KCNQ1: variants seen among roughly 807,000 people sequenced by gnomAD.
KCNQ1 encodes potassium voltage-gated channel subfamily Q member 1.
KCNQ1 carries 49 observed loss-of-function variants against 72.4 expected under a neutral mutation model. The observed-to-expected ratio is 0.68, with a 90% CI of 0.54 to 0.86. The LOEUF (loss-of-function observed/expected upper bound fraction) is 0.86, where lower values mean the gene tolerates loss of function less well. Ranked by LOEUF, KCNQ1 falls within the 40% of genes least tolerant of loss-of-function variation. KCNQ1 has a pLI of 0.00. For synonymous variants in KCNQ1, 450 were observed against 412.6 expected, an observed-to-expected ratio of 1.09 and a Z score of -1.10; for missense variants, 790 against 945.1, an observed-to-expected ratio of 0.84 and a Z score of 2.15.
Position 2,813,027 on chromosome 11 carries a change from G to A in KCNQ1, c.1795-34740G>A, listed in dbSNP as rs1439727935. 1.3e-5 allele frequency among the ~76,000 whole-genome samples: 2 copies of A among 152,258 alleles called. No homozygotes were observed. The highest frequency in any genetic ancestry group is 2.9e-5 in the Non-Finnish European group (2 of 68,042). The stretch of plus-strand genomic sequence containing the variant: ...CAGCCTGTGCCTGTGCCTGGAGGCT[G>A]TGGCCTGGCTCTCCAGCTGGAACAG... On this transcript the variant is annotated intron_variant, in intron 15 of 15. Coordinates refer to ENST00000155840, the MANE Select transcript of KCNQ1 (RefSeq NM_000218.3). The surrounding 1 kb of genome is among the most constrained non-coding windows in gnomAD (Gnocchi z 4.4).
chr11:2,767,186 A>G lies in KCNQ1; in HGVS notation c.1515-1658A>G, dbSNP rs61624402. Among the ~76,000 whole-genome samples, 29,824 of 147,290 alleles carry G rather than the reference A, an allele frequency of 0.2. 3,160 individuals carry two copies. The highest frequency in any genetic ancestry group is 0.28 in the African/African-American group (11,321 of 40,162). On this transcript the variant is annotated intron_variant, in intron 11 of 15. Coordinates refer to ENST00000155840, the MANE Select transcript of KCNQ1 (RefSeq NM_000218.3). This position sits in a 1 kb window ranked among gnomAD's most constrained non-coding sequence, Gnocchi z 4.6. ...CATCTATATGTGTGTGTGTGTGTGT[A>G]TTTTTTTTTTTCTTTGCTTAGCTAG...
chr11:2,817,599 G>A lies in KCNQ1; in HGVS notation c.1795-30168G>A, dbSNP rs979113067. Reference sequence around the variant, plus strand: ...TGATGTCCCTGGCCAGGGAGGTGGAGGACGCTGGGCAGAGCCCTGGGCATT... The same window carrying A: ...TGATGTCCCTGGCCAGGGAGGTGGAAGACGCTGGGCAGAGCCCTGGGCATT... On this transcript the variant is annotated intron_variant, in intron 15 of 15. Coordinates refer to ENST00000155840, the MANE Select transcript of KCNQ1 (RefSeq NM_000218.3). The surrounding 1 kb of genome is among the most constrained non-coding windows in gnomAD (Gnocchi z 6.1). Among the ~76,000 whole-genome samples, 2 of 152,168 alleles carry A rather than the reference G, an allele frequency of 1.3e-5. No individual in the cohort carries two copies. The highest frequency in any genetic ancestry group is 4.8e-5 in the African/African-American group (2 of 41,428).
chr11:2,669,106 T>C lies in KCNQ1; in HGVS notation c.1514+7025T>C. 2.5e-6 allele frequency: 1 copy of C among 398,752 alleles called. No individual in the cohort carries two copies. Among genetic ancestry groups the C allele is most frequent in the South Asian group, 1.3e-4 (1 of 7,864 alleles). 24.7% of individuals were successfully genotyped at this position (398,752 alleles called of 1,614,324 possible). A position where few individuals can be genotyped will look rare whatever the true frequency, so the allele number is the denominator to read the frequency against. On this transcript the variant is annotated intron_variant, in intron 11 of 15. Coordinates refer to ENST00000155840, the MANE Select transcript of KCNQ1 (RefSeq NM_000218.3). This position sits in a 1 kb window ranked among gnomAD's most constrained non-coding sequence, Gnocchi z 5.6. Reference sequence around the variant, plus strand: ...GTGTCTTTACAATCAGCTCACTGGCTACGTGTGGCTCTGTTTCTGGACCCT... The same window carrying C: ...GTGTCTTTACAATCAGCTCACTGGCCACGTGTGGCTCTGTTTCTGGACCCT...
Position 2,585,250 on chromosome 11 carries a change from G to GA in KCNQ1, c.1073dup (p.Gln359AlafsTer104), listed in dbSNP as rs780289256. 4 of 1,614,118 alleles carry GA rather than the reference G, an allele frequency of 2.5e-6. No individual in the cohort carries two copies. Among genetic ancestry groups the GA allele is most frequent in the Non-Finnish European group, 3.4e-6 (4 of 1,180,028 alleles). ...CGGGGTTTGCCCTGAAGGTGCAGCA[G>GA]AAGCAGAGGCAGAAGCACTTCAACC... On this transcript the variant is annotated frameshift_variant, in exon 8 of 16. Coordinates refer to ENST00000155840, the MANE Select transcript of KCNQ1 (RefSeq NM_000218.3). LOFTEE classifies it high-confidence loss of function.
intron 15 of KCNQ1, among the ~76,000 whole-genome samples, chr11:2,811,290 G>A (rs557413478): frequency 5.3e-5 from 8 of 152,296 alleles, no homozygotes; most frequent in African/African-American, 1.9e-4. Context: ...TTCCCTTATC[G>A]CAACTGGTCC....
At chr11:2,638,875 T>C (rs1849523394) in intron 10 of KCNQ1, 1 of 152,250 alleles carries the variant, frequency 6.6e-6, no homozygotes, top group African/African-American at 2.4e-5. Flanking sequence ...TTTGGTCTTT[T>C]CACATAGTCC....
rs188731996 is a variant in KCNQ1 at position 2,723,768 on chromosome 11, C to T, written c.1515-45076C>T. Among the ~76,000 whole-genome samples, 107 of 152,294 alleles carry T rather than the reference C, an allele frequency of 7.0e-4. No homozygotes were observed. Among genetic ancestry groups the T allele is most frequent in the African/African-American group, 2.4e-3 (98 of 41,554 alleles). ...CTAGCTAGTGGGGCCTCACTAACCG[C>T]TGGTGGCCGCAGGGTTCCCAGCCAC... On this transcript the variant is annotated intron_variant, in intron 11 of 15. Coordinates refer to ENST00000155840, the MANE Select transcript of KCNQ1 (RefSeq NM_000218.3). This position sits in a 1 kb window ranked among gnomAD's most constrained non-coding sequence, Gnocchi z 4.2.
chr11:2,485,368 A>AC (rs1369066834), intron 1 of KCNQ1, among the ~76,000 whole-genome samples: 1 of 31,108 alleles, frequency 3.2e-5, no homozygotes, highest in Non-Finnish European at 6.6e-5. Flanking sequence ...TCCATCCCCC[A>AC]CCCCCCCACC....
chr11:2,493,103 A>G lies in KCNQ1; in HGVS notation c.387-34825A>G, dbSNP rs998249118. Among the ~76,000 whole-genome samples the G allele has an allele frequency of 6.6e-6, 1 of 152,156 alleles. No homozygotes were observed. The highest frequency in any genetic ancestry group is 2.1e-4 in the South Asian group (1 of 4,828). On this transcript the variant is annotated intron_variant, in intron 1 of 15. Coordinates refer to ENST00000155840, the MANE Select transcript of KCNQ1 (RefSeq NM_000218.3). This position sits in a 1 kb window ranked among gnomAD's most constrained non-coding sequence, Gnocchi z 5.3. ...GGTTTTGATTTGCATTTCTCTGATG[A>G]CCAGTAATGATTAGCTTTTTTTTCC...
chr11:2,848,292 G>T lies in KCNQ1; in HGVS notation c.*289G>T. ...TTGACATCACTGGCATGGTGGTTGGGACCCAGTGGCAGGGCACAGGGCCTG... is the reference window on the plus strand; with the variant it reads ...TTGACATCACTGGCATGGTGGTTGGTACCCAGTGGCAGGGCACAGGGCCTG... On this transcript the variant is annotated 3_prime_UTR_variant, in exon 16 of 16. Transcript: ENST00000155840. The T allele has an allele frequency of 1.6e-6, 1 of 635,618 alleles. No homozygotes were observed. The highest frequency in any genetic ancestry group is 2.9e-6 in the Non-Finnish European group (1 of 344,432). 39.4% of individuals were successfully genotyped at this position (635,618 alleles called of 1,614,324 possible).
chr11:2,822,493 G>A (rs953876667), intron 15 of KCNQ1, among the ~76,000 whole-genome samples: 1 of 152,216 alleles, frequency 6.6e-6, no homozygotes, highest in South Asian at 2.1e-4. Context: ...AGTGCGTAAA[G>A]AGAGCTAAAG....
intron 2 of KCNQ1, among the ~76,000 whole-genome samples, chr11:2,554,396 A>G (rs939418271): frequency 1.1e-4 from 17 of 152,338 alleles, no homozygotes; most frequent in African/African-American, 4.1e-4. Context: ...TTTGTCCCCA[A>G]GGAGCAGAAG....
chr11:2,618,275 A>G lies in KCNQ1; in HGVS notation c.1393+29421A>G. On this transcript the variant is annotated intron_variant, in intron 10 of 15. Transcript: ENST00000155840. ...AGAACAATTGTCTTAGGCCACACAT[A>G]AAATACACTAACAATAACAACAGCT... is the stretch of plus-strand genomic sequence containing the variant. 7.5e-6 allele frequency: 3 copies of G among 398,586 alleles called. No homozygotes were observed. The East Asian group carries it at 1.1e-4, about 14-fold the overall frequency. The allele number at this position is 398,586 out of a possible 1,614,324, so 24.7% of individuals were successfully genotyped here. A position where few individuals can be genotyped will look rare whatever the true frequency, so the allele number is the denominator to read the frequency against.
chr11:2,814,623 CAAGGAAGGAAGGAAGG>C (rs3079081), intron 15 of KCNQ1, among the ~76,000 whole-genome samples: 2,910 of 142,532 alleles, frequency 0.02, 102 homozygotes, highest in African/African-American at 0.071. Context: ...TGGAAGGAGA[CAAGGAAGGAAGGAAGG>C]AAGGAAGGAA....
At chr11:2,825,333 C>A (rs1206573130) in intron 15 of KCNQ1, among the ~76,000 whole-genome samples, 2 of 152,216 alleles carry the variant, frequency 1.3e-5, no homozygotes, top group Non-Finnish European at 2.9e-5. Context: ...CAGCCCAGAC[C>A]TTCCGAGCCC....
Position 2,446,918 on chromosome 11 carries a change from C to T in KCNQ1, c.386+1434C>T, listed in dbSNP as rs1281903322. Among the ~76,000 whole-genome samples the T allele has an allele frequency of 6.6e-6, 1 of 152,212 alleles. No homozygotes were observed. The highest frequency in any genetic ancestry group is 1.5e-5 in the Non-Finnish European group (1 of 68,034). ...CCCAGGGGAACCCAGTCCGATGCCA[C>T]TGTGCAAATGTCTAGCAGATGCCAG... On this transcript the variant is annotated intron_variant, in intron 1 of 15. Transcript: ENST00000155840. The surrounding 1 kb of genome is among the most constrained non-coding windows in gnomAD (Gnocchi z 8.8).
At chr11:2,807,868 G>A (rs890719776) in intron 15 of KCNQ1, among the ~76,000 whole-genome samples, 2 of 152,150 alleles carry the variant, frequency 1.3e-5, no homozygotes, top group African/African-American at 4.8e-5. Context: ...ACCAACTTGA[G>A]GCTGCCCCTG....
At chr11:2,838,428 G>A (rs1384859619) in intron 15 of KCNQ1, among the ~76,000 whole-genome samples, 2 of 149,538 alleles carry the variant, frequency 1.3e-5, no homozygotes, top group African/African-American at 4.9e-5. Context: ...CTCTGGCATT[G>A]ATCCGGAGCC....
intron 11 of KCNQ1, among the ~76,000 whole-genome samples, chr11:2,730,251 G>A (rs1352663735): frequency 6.6e-6 from 1 of 152,204 alleles, no homozygotes; most frequent in Non-Finnish European, 1.5e-5. Context: ...GTAGATTCAG[G>A]ACTGTTTTGA....
Sources: gnomAD v4.1 joint callset for allele counts (sites outside exome capture counted in the v4.1 genomes callset) on GRCh38, gnomAD v4.1.1 for gene constraint, Gnocchi (gnomAD v3.1) non-coding constraint, MANE v1.5 for transcripts, NCBI Gene and HGNC (gene_info 2026-07-23, HGNC 2026-07-21) for gene names.